FAM120AOS: variants seen among roughly 807,000 people sequenced by gnomAD.
FAM120AOS encodes uncharacterized protein FAM120AOS.
FAM120AOS carries 15 observed loss-of-function variants against 20.2 expected under a neutral mutation model. The ratio of observed to expected loss-of-function variants is 0.74; its 90% CI spans 0.50 to 1.15. FAM120AOS has a LOEUF of 1.15. FAM120AOS is among the 50% of genes most tolerant of loss of function. The probability of loss-of-function intolerance (pLI) is 0.00; values close to 1 mark genes in which losing one functional copy is unlikely to be tolerated. For missense variants in FAM120AOS, 327 were observed against 351.9 expected (o/e 0.93, Z 0.57); for synonymous variants, 154 against 154.0 (o/e 1.00, Z 0.00).
Position 93,443,473 on chromosome 9 carries a change from TG to T in FAM120AOS, c.*4137del, listed in dbSNP as rs1370619808. Reference sequence around the variant, plus strand: ...TGAACAGCACATGGCAGTTTCAGGTTGGAAGGTCATTTTTACAGTTCTGAAC... The same window carrying T: ...TGAACAGCACATGGCAGTTTCAGGTTGAAGGTCATTTTTACAGTTCTGAAC... On this transcript the variant is annotated 3_prime_UTR_variant, in exon 3 of 3. Transcript: ENST00000375412. Among the ~76,000 whole-genome samples the T allele has an allele frequency of 6.6e-6, 1 of 152,270 alleles. No individual in the cohort carries two copies. The highest frequency in any genetic ancestry group is 2.4e-5 in the African/African-American group (1 of 41,472).
intron 1 of FAM120AOS, chr9:93,450,847 C>T: frequency 1.1e-6 from 1 of 906,642 alleles, no homozygotes; most frequent in Non-Finnish European, 1.8e-6. Flanking sequence ...ATTCAAATCC[C>T]TCTCCCTCAG....
chr9:93,453,168 C>A lies in FAM120AOS; in HGVS notation c.-459G>T. The A allele has an allele frequency of 1.0e-6, 1 of 1,002,414 alleles. No individual in the cohort carries two copies. Among genetic ancestry groups the A allele is most frequent in the African/African-American group, 1.7e-5 (1 of 57,466 alleles). The allele number at this position is 1,002,414 out of a possible 1,614,324, so 62.1% of individuals were successfully genotyped here. ...GAGTCGCTCAAAATCAGGGGGCGAA[C>A]TACGCGGGCGTGAACTCGCAGGATT... On this transcript the variant is annotated 5_prime_UTR_variant, in exon 1 of 3. Transcript: ENST00000375412.
intron 2 of FAM120AOS, among the ~76,000 whole-genome samples, chr9:93,447,972 T>C (rs949779079): frequency 6.6e-6 from 1 of 152,210 alleles, no homozygotes; most frequent in Non-Finnish European, 1.5e-5. Context: ...TGACAATTAA[T>C]TAACAGGGCT....
Position 93,450,521 on chromosome 9 carries a change from C to T in FAM120AOS, c.642G>A (p.Ala214=), listed in dbSNP as rs369518147. The change falls in exon 2 of 3, where the codon GCG becomes GCA. Residue 214 remains alanine, a synonymous_variant. Transcript: ENST00000375412. ...TGGGGGCTTCTTTGGCCAAACCGTGCGCGTGCAGGCTCCATGTGCTGGGCA... is the reference window on the plus strand; with the variant it reads ...TGGGGGCTTCTTTGGCCAAACCGTGTGCGTGCAGGCTCCATGTGCTGGGCA... ...QLLPSTWSLH[A]HGLAKEAPIL... is the part of the protein sequence containing the mutation. The T allele has an allele frequency of 6.9e-6, 11 of 1,601,268 alleles. No individual in the cohort carries two copies. In the East Asian group the frequency reaches 1.8e-4, roughly 26 times the overall value.
Position 93,447,293 on chromosome 9 carries a change from TTTC to T in FAM120AOS, c.*315_*317del, listed in dbSNP as rs1054069362. ...TGGGCTCCTTGAAGAAGGGTTATGT[TTTC>T]TTCATCTCCATATCCCCAGTAGCTG... On this transcript the variant is annotated 3_prime_UTR_variant, in exon 3 of 3. Transcript: ENST00000375412. The T allele has an allele frequency of 1.5e-5, 4 of 261,468 alleles. No homozygotes were observed. Among genetic ancestry groups the T allele is most frequent in the African/African-American group, 8.7e-5 (4 of 46,120 alleles). The allele number at this position is 261,468 out of a possible 1,614,324, so 16.2% of individuals were successfully genotyped here.
rs1049913486 is a variant in FAM120AOS at position 93,451,516 on chromosome 9, C to T, written c.563+631G>A. On this transcript the variant is annotated intron_variant, in intron 1 of 2. Transcript: ENST00000375412. ...CCTCCCGGATCCCGTCCCGGCCCAA[C>T]TCCGGGCCTCCGCCTCCGCCGCCGC... The T allele has an allele frequency of 1.0e-5, 10 of 999,786 alleles. No individual in the cohort carries two copies. In the Admixed American group the frequency reaches 1.8e-4, roughly 18 times the overall value. 61.9% of individuals were successfully genotyped at this position (999,786 alleles called of 1,614,324 possible). A position where few individuals can be genotyped will look rare whatever the true frequency, so the allele number is the denominator to read the frequency against.
In FAM120AOS at chr9:93,445,594, T is replaced by TTG. The variant is rs1401030036; in HGVS notation, c.*2016_*2017insCA. ...TCATAAAAATCGTTGTTTTTTTTTT[T>TTG]TTTTTTTTTTTTTGAGACAAGGCCT... On this transcript the variant is annotated 3_prime_UTR_variant, in exon 3 of 3. Transcript: ENST00000375412. 2.8e-5 allele frequency among the ~76,000 whole-genome samples: 4 copies of TTG among 143,298 alleles called. No individual in the cohort carries two copies. Among genetic ancestry groups the TTG allele is most frequent in the South Asian group, 2.3e-4 (1 of 4,420 alleles). The allele number at this position is 143,298 out of a possible 152,430, so 94.0% of individuals were successfully genotyped here.
rs537568180 is a variant in FAM120AOS at position 93,445,911 on chromosome 9, T to G, written c.*1700A>C. On this transcript the variant is annotated 3_prime_UTR_variant, in exon 3 of 3. Coordinates refer to ENST00000375412, the MANE Select transcript of FAM120AOS (RefSeq NM_198841.4). ...CAAACTGGAGGCATGTTTTATATGA[T>G]GGGCTGATGTCTCATGAATAACTGT... 6.6e-6 allele frequency among the ~76,000 whole-genome samples: 1 copy of G among 152,218 alleles called. No homozygotes were observed. The highest frequency in any genetic ancestry group is 2.1e-4 in the South Asian group (1 of 4,828).
In FAM120AOS at chr9:93,453,380, C is replaced by A. The variant is rs1857379131; in HGVS notation, c.-671G>T. Reference sequence around the variant, plus strand: ...AGATAAGCACATCCATGATCCTGGACTTCACGTTCTGATTGCTTGCTTTTT... The same window carrying A: ...AGATAAGCACATCCATGATCCTGGAATTCACGTTCTGATTGCTTGCTTTTT... On this transcript the variant is annotated 5_prime_UTR_variant, in exon 1 of 3. Coordinates refer to ENST00000375412, the MANE Select transcript of FAM120AOS (RefSeq NM_198841.4). The A allele has an allele frequency of 4.1e-6, 4 of 985,376 alleles. No homozygotes were observed. Among genetic ancestry groups the A allele is most frequent in the Non-Finnish European group, 4.8e-6 (4 of 829,980 alleles). The allele number at this position is 985,376 out of a possible 1,614,324, so 61.0% of individuals were successfully genotyped here.
In FAM120AOS at chr9:93,452,665, G is replaced by T. The variant is rs1405402986; in HGVS notation, c.45C>A (p.Ser15=). ...GGGAGAGAGCCCCGGACCAGAATTC[G>T]GAGGCGACAGTGTCATCATCCCCAA... ...KDIGDDDTVA[S]EFWSGALSQP... Residue 15 remains serine (S), a synonymous_variant, in exon 1 of 3, where the codon TCC becomes TCA. Transcript: ENST00000375412. This position sits in a 1 kb window ranked among gnomAD's most constrained non-coding sequence, Gnocchi z 7.0. 1.3e-6 allele frequency: 2 copies of T among 1,598,936 alleles called. No individual in the cohort carries two copies. Among genetic ancestry groups the T allele is most frequent in the Non-Finnish European group, 1.7e-6 (2 of 1,179,920 alleles).
chr9:93,451,523 C>T (rs1857192486), intron 1 of FAM120AOS: 15 of 994,070 alleles, frequency 1.5e-5, no homozygotes, highest in Non-Finnish European at 1.8e-5. Context: ...CAACTCCGGG[C>T]CTCCGCCTCC....
Position 93,453,049 on chromosome 9 carries a change from C to G in FAM120AOS, c.-340G>C. 1 of 1,118,752 alleles carries G rather than the reference C, an allele frequency of 8.9e-7. No homozygotes were observed. Among genetic ancestry groups the G allele is most frequent in the Non-Finnish European group, 1.1e-6 (1 of 913,590 alleles). The allele number at this position is 1,118,752 out of a possible 1,614,324, so 69.3% of individuals were successfully genotyped here. A position where few individuals can be genotyped will look rare whatever the true frequency, so the allele number is the denominator to read the frequency against. On this transcript the variant is annotated 5_prime_UTR_variant, in exon 1 of 3. Transcript: ENST00000375412. ...GTGTTAGATTTCAAAGACCCGTGCA[C>G]TTTGACAGGATGGGATTTTGTCAGT...
rs1856786767 is a variant in FAM120AOS, at chr9:93,444,539, T to C, written c.*3072A>G. On this transcript the variant is annotated 3_prime_UTR_variant, in exon 3 of 3. Transcript: ENST00000375412. ...TCCTTCTCAGCAAACAAGTTAACCA[T>C]ATTTGGCACAGGATTTCTAGACCTG... Among the ~76,000 whole-genome samples, 1 of 152,124 alleles carries C rather than the reference T, an allele frequency of 6.6e-6. No homozygotes were observed.
Position 93,452,122 on chromosome 9 carries a change from C to G in FAM120AOS, c.563+25G>C, listed in dbSNP as rs1308317462. The G allele has an allele frequency of 6.2e-7, 1 of 1,610,954 alleles. No individual in the cohort carries two copies. The highest frequency in any genetic ancestry group is 2.2e-5 in the East Asian group (1 of 44,848). Reference sequence around the variant, plus strand: ...TCTACACCGACTGGGTCAGCGGCGGCCAGTGGAACCACATGCTTGGCTACC... The same window carrying G: ...TCTACACCGACTGGGTCAGCGGCGGGCAGTGGAACCACATGCTTGGCTACC... On this transcript the variant is annotated intron_variant, in intron 1 of 2. Transcript: ENST00000375412. The surrounding 1 kb of genome is among the most constrained non-coding windows in gnomAD (Gnocchi z 7.0).
In FAM120AOS at chr9:93,453,210, A is replaced by C; in HGVS notation, c.-501T>G. The C allele has an allele frequency of 9.9e-7, 1 of 1,005,242 alleles. No individual in the cohort carries two copies. Among genetic ancestry groups the C allele is most frequent in the Middle Eastern group, 5.0e-4 (1 of 2,006 alleles). 62.3% of individuals were successfully genotyped at this position (1,005,242 alleles called of 1,614,324 possible). A position where few individuals can be genotyped will look rare whatever the true frequency, so the allele number is the denominator to read the frequency against. On this transcript the variant is annotated 5_prime_UTR_variant, in exon 1 of 3. Transcript: ENST00000375412. ...CGCAGGATTTATTTTTCGGGTGCAC[A>C]GTAAGTATTCAGTGACCTTCAGCGG...
intron 1 of FAM120AOS, chr9:93,450,997 G>T: frequency 1.3e-6 from 2 of 1,535,160 alleles, no homozygotes; most frequent in Non-Finnish European, 1.8e-6. Context: ...AGGGCTACCT[G>T]TACCTTCAGA....
rs1857382298 is a variant in FAM120AOS at position 93,453,429 on chromosome 9, T to G, written c.-720A>C. The G allele has an allele frequency of 3.0e-6, 3 of 985,444 alleles. No homozygotes were observed. The highest frequency in any genetic ancestry group is 3.6e-6 in the Non-Finnish European group (3 of 829,950). 61.0% of individuals were successfully genotyped at this position (985,444 alleles called of 1,614,324 possible). On this transcript the variant is annotated 5_prime_UTR_variant, in exon 1 of 3. Transcript: ENST00000375412. ...TTTCATTGGTTTTCTTGAAAACAAA[T>G]TTTGGGGGCCTTTTTGTTGTCTTAG...
At position 93,444,515 on chromosome 9, in the gene FAM120AOS, C is replaced by A. The variant is rs1243042681; in HGVS notation, c.*3096G>T. ...TATGAGGGTTCCAGTTCTTCCACAT[C>A]CTTCTCAGCAAACAAGTTAACCATA... On this transcript the variant is annotated 3_prime_UTR_variant, in exon 3 of 3. Coordinates refer to ENST00000375412, the MANE Select transcript of FAM120AOS (RefSeq NM_198841.4). Among the ~76,000 whole-genome samples, 2 of 152,192 alleles carry A rather than the reference C, an allele frequency of 1.3e-5. No individual in the cohort carries two copies. Among genetic ancestry groups the A allele is most frequent in the Non-Finnish European group, 2.9e-5 (2 of 68,034 alleles).
At chr9:93,450,310 G>A (rs943667803) in intron 2 of FAM120AOS, among the ~76,000 whole-genome samples, 169 bp downstream of exon 2, 3 of 152,190 alleles carry the variant, frequency 2.0e-5, no homozygotes, top group African/African-American at 7.2e-5. Context: ...TAGATAACAT[G>A]TCATCCTGGC....
Sources: allele counts gnomAD v4.1 joint callset (sites outside exome capture counted in the v4.1 genomes callset), GRCh38; gene constraint gnomAD v4.1.1; non-coding constraint Gnocchi (gnomAD v3.1); transcripts MANE v1.5; gene names NCBI Gene and HGNC (gene_info 2026-07-23, HGNC 2026-07-21).